Variants in SERINC5 observed in about 807,000 individuals in gnomAD.
The protein encoded by SERINC5 is serine incorporator 5.
In SERINC5, 41 loss-of-function variants were observed where a neutral mutation model predicts 63.1. The ratio of observed to expected loss-of-function variants is 0.65; its 90% CI spans 0.51 to 0.84. SERINC5 has a LOEUF of 0.84. Among genes scored for constraint, SERINC5 ranks in the 40% least tolerant of loss-of-function variants. The pLI is 0.00. For missense variants in SERINC5, 523 were observed against 573.0 expected (o/e 0.91, Z 0.89); for synonymous variants, 222 against 215.2 (o/e 1.03, Z -0.28).
intron 1 of SERINC5, among the ~76,000 whole-genome samples, chr5:80,233,354 G>A (rs1165195783): frequency 6.6e-6 from 1 of 152,182 alleles, no homozygotes; most frequent in East Asian, 1.9e-4. Flanking sequence ...TTGAACCCGG[G>A]AGGCGGAGGT....
chr5:80,239,750 T>G (rs962661503), intron 1 of SERINC5, among the ~76,000 whole-genome samples: 1 of 152,100 alleles, frequency 6.6e-6, no homozygotes, highest in Non-Finnish European at 1.5e-5. Context: ...ACTACAGCCT[T>G]GAGAAGCCAG....
chr5:80,149,369 T>C (rs967207832), intron 9 of SERINC5, among the ~76,000 whole-genome samples: 1 of 86,990 alleles, frequency 1.1e-5, no homozygotes, highest in Non-Finnish European at 2.2e-5. Flanking sequence ...ACAGAAAGAG[T>C]TGGTGAATGA....
chr5:80,178,816 G>A (rs1039275973), intron 2 of SERINC5, among the ~76,000 whole-genome samples: 3 of 151,702 alleles, frequency 2.0e-5, no homozygotes, highest in Non-Finnish European at 4.4e-5. Flanking sequence ...CAATTGGTGG[G>A]TAGAGTATTT....
chr5:80,185,520 T>C (rs1296211421), intron 2 of SERINC5, among the ~76,000 whole-genome samples: 2 of 62,690 alleles, frequency 3.2e-5, no homozygotes, highest in African/African-American at 1.4e-4. Flanking sequence ...CGCGTCCGTG[T>C]GAAGGGACCA....
At chr5:80,175,869 A>G (rs936845872) in intron 4 of SERINC5, among the ~76,000 whole-genome samples, 1 of 137,444 alleles carries the variant, frequency 7.3e-6, no homozygotes, top group Non-Finnish European at 1.5e-5. Flanking sequence ...GTCTCAAAAA[A>G]AAAAAAAAAA....
At chr5:80,114,092 G>A (rs559728791) in intron 11 of SERINC5, among the ~76,000 whole-genome samples, 28 of 152,080 alleles carry the variant, frequency 1.8e-4, no homozygotes, top group Non-Finnish European at 3.2e-4. Context: ...AAGTTACAAG[G>A]AGTGGGCCCA....
At chr5:80,185,827 C>T (rs944899348) in intron 2 of SERINC5, among the ~76,000 whole-genome samples, 1 of 152,000 alleles carries the variant, frequency 6.6e-6, no homozygotes, top group Non-Finnish European at 1.5e-5. Context: ...GGTGGAATGT[C>T]ATCAGTTAAG....
chr5:80,245,381 A>G (rs1752125472), intron 1 of SERINC5, among the ~76,000 whole-genome samples: 1 of 152,168 alleles, frequency 6.6e-6, no homozygotes, highest in African/African-American at 2.4e-5. Flanking sequence ...TTCTGGGGGC[A>G]AATGTCCCTG....
At chr5:80,155,242 A>G (rs906608350) in intron 8 of SERINC5, among the ~76,000 whole-genome samples, 7 of 152,198 alleles carry the variant, frequency 4.6e-5, no homozygotes, top group African/African-American at 1.7e-4. Flanking sequence ...GCTCCAGACT[A>G]AAGGGGTGTG....
chr5:80,118,714 A>ATTTTTTT (rs34814066), intron 11 of SERINC5, among the ~76,000 whole-genome samples: 26 of 108,228 alleles, frequency 2.4e-4, no homozygotes, highest in African/African-American at 9.2e-4. Context: ...TGTCCAGCTA[A>ATTTTTTT]TTTTTTTTTT....
intron 11 of SERINC5, among the ~76,000 whole-genome samples, chr5:80,132,747 G>A (rs1459980263): frequency 6.6e-6 from 1 of 152,060 alleles, no homozygotes; most frequent in Admixed American, 6.6e-5. Flanking sequence ...TTACAGGTGT[G>A]AGCCACCGTG....
intron 1 of SERINC5, among the ~76,000 whole-genome samples, chr5:80,254,695 TTCTC>T (rs1024139650): frequency 3.9e-5 from 6 of 152,190 alleles, no homozygotes; most frequent in African/African-American, 2.4e-5. Context: ...CTCATTCTCT[TTCTC>T]TCTCTGCCTG....
At chr5:80,211,645 G>A (rs778010816) in intron 1 of SERINC5, among the ~76,000 whole-genome samples, 42 of 152,296 alleles carry the variant, frequency 2.8e-4, no homozygotes, top group Non-Finnish European at 2.6e-4. Context: ...AAGACTAACA[G>A]GTTGCAAGCT....
chr5:80,161,036 GTATATATA>G (rs538888494), intron 7 of SERINC5, among the ~76,000 whole-genome samples: 4,525 of 124,810 alleles, frequency 0.036, 233 homozygotes, highest in African/African-American at 0.16. Context: ...ATACACACGT[GTATATATA>G]TATATGTATG....
chr5:80,175,110 TA>T (rs1747947032), intron 4 of SERINC5, 63 bp from the exon 5 acceptor site: 2 of 1,099,646 alleles, frequency 1.8e-6, no homozygotes, highest in Non-Finnish European at 2.6e-6. Flanking sequence ...CAAAAGAGAA[TA>T]ACCACAGCTA....
At chr5:80,193,868 A>C (rs1287236533) in intron 2 of SERINC5, among the ~76,000 whole-genome samples, 2 of 152,158 alleles carry the variant, frequency 1.3e-5, no homozygotes, top group African/African-American at 2.4e-5. Flanking sequence ...TTAGACCAAA[A>C]GATAAAACCG....
At chr5:80,178,244 A>G (rs1029578249) in intron 2 of SERINC5, among the ~76,000 whole-genome samples, 180 bp from the exon 3 acceptor site, 35 of 152,186 alleles carry the variant, frequency 2.3e-4, no homozygotes, top group African/African-American at 8.0e-4. Context: ...TCTTTTTTAA[A>G]GATACAGTGA....
intron 1 of SERINC5, among the ~76,000 whole-genome samples, chr5:80,215,148 A>G (rs61424752): frequency 0.19 from 28,231 of 152,216 alleles, 3,254 homozygotes; most frequent in African/African-American, 0.32. Context: ...CTGGTGGCAG[A>G]TGACTGCATC....
At chr5:80,171,249 C>T (rs1747635530) in intron 5 of SERINC5, among the ~76,000 whole-genome samples, 1 of 152,020 alleles carries the variant, frequency 6.6e-6, no homozygotes, top group Non-Finnish European at 1.5e-5. Flanking sequence ...CCTCGTGATC[C>T]ACCCACCTCT....
Sources: gnomAD v4.1 joint callset for allele counts (sites outside exome capture counted in the v4.1 genomes callset) on GRCh38, gnomAD v4.1.1 for gene constraint, MANE v1.5 for transcripts, NCBI Gene and HGNC (gene_info 2026-07-23, HGNC 2026-07-21) for gene names.